Variants in PLSCR5 observed in about 807,000 individuals in gnomAD.
The protein encoded by PLSCR5 is phospholipid scramblase family, member 5.
PLSCR5 carries 44 observed loss-of-function variants against 33.6 expected under a neutral mutation model. The ratio of observed to expected loss-of-function variants is 1.31; its 90% CI spans 1.03 to 1.69. The LOEUF is 1.69. PLSCR5 is among the 40% of genes most tolerant of loss of function. The pLI is 0.00. For synonymous variants in PLSCR5, 148 were observed against 112.3 expected, an observed-to-expected ratio of 1.32 and a Z score of -2.01; for missense variants, 375 against 318.7, an observed-to-expected ratio of 1.18 and a Z score of -1.34.
chr3:146,582,169 C>T (rs2044636539), downstream of PLSCR5, among the ~76,000 whole-genome samples: 1 of 152,162 alleles, frequency 6.6e-6, no homozygotes, highest in African/African-American at 2.4e-5. Flanking sequence ...GACAGGTAGT[C>T]AGTTAGGGTG....
At position 146,594,089 on chromosome 3, in the gene PLSCR5, C is replaced by T; in HGVS notation, c.284G>A (p.Gly95Glu). ...CTCCACTGCAAAGTAAATTCTTTGT[C>T]CCAAGCTGTTTTTAATCTCATATTT... ...SNKYEIKNSL[G>E]QRIYFAVEES... The change falls in exon 4 of 8, where the codon GGA (glycine) becomes GAA (glutamate). Residue 95 changes from glycine (G) to glutamate (E), a missense_variant. Transcript: ENST00000443512. 1 of 1,613,694 alleles carries T rather than the reference C, an allele frequency of 6.2e-7. No individual in the cohort carries two copies. The highest frequency in any genetic ancestry group is 8.5e-7 in the Non-Finnish European group (1 of 1,179,766).
intron 1 of PLSCR5, among the ~76,000 whole-genome samples, chr3:146,601,374 G>C (rs1165019516): frequency 6.6e-6 from 1 of 151,448 alleles, no homozygotes. Flanking sequence ...TTTTTTCAAA[G>C]AATATCAGTG....
intron 7 of PLSCR5, among the ~76,000 whole-genome samples, chr3:146,579,451 A>G (rs1304358295): frequency 3.3e-5 from 5 of 152,212 alleles, no homozygotes; most frequent in Non-Finnish European, 7.4e-5. Flanking sequence ...CAACAAATCT[A>G]AAAATAATGT....
chr3:146,605,262 G>C lies in PLSCR5; in HGVS notation c.-50C>G. 6.2e-7 allele frequency: 1 copy of C among 1,610,194 alleles called. No homozygotes were observed. Among genetic ancestry groups the C allele is most frequent in the Non-Finnish European group, 8.5e-7 (1 of 1,177,818 alleles). On this transcript the variant is annotated 5_prime_UTR_variant, in exon 1 of 8. Coordinates refer to ENST00000443512, the MANE Select transcript of PLSCR5 (RefSeq NM_001085420.2). ...AAGGTTGCCAGGTTGGAAAACAAAG[G>C]CTTTTCTTGTTGCAGCAAGGAGAGA...
At chr3:146,588,035 C>T (rs990035653) in intron 6 of PLSCR5, among the ~76,000 whole-genome samples, 3 of 151,784 alleles carry the variant, frequency 2.0e-5, no homozygotes, top group South Asian at 2.1e-4. Context: ...ATTCTGAAAC[C>T]CCAGAAAACA....
chr3:146,592,463 G>A (rs764330171), intron 4 of PLSCR5, among the ~76,000 whole-genome samples: 3 of 151,948 alleles, frequency 2.0e-5, no homozygotes, highest in Non-Finnish European at 2.9e-5. Flanking sequence ...TGCATTATCC[G>A]GCATTACTTT....
chr3:146,582,615 T>C (rs1354054154), downstream of PLSCR5, among the ~76,000 whole-genome samples: 1 of 152,162 alleles, frequency 6.6e-6, no homozygotes, highest in East Asian at 1.9e-4. Flanking sequence ...CCTTCTTGAT[T>C]TTCTCAGCTG....
At chr3:146,588,830 G>T (rs984184798) in intron 6 of PLSCR5, among the ~76,000 whole-genome samples, 3 of 152,122 alleles carry the variant, frequency 2.0e-5, no homozygotes, top group South Asian at 2.1e-4. Flanking sequence ...AGGGGAAAAG[G>T]CATCATGTCT....
chr3:146,600,679 A>T (rs928454063), intron 1 of PLSCR5, among the ~76,000 whole-genome samples: 2 of 151,980 alleles, frequency 1.3e-5, no homozygotes, highest in African/African-American at 4.8e-5. Context: ...TAGTTGTGAG[A>T]AAAAGTTGAA....
intron 1 of PLSCR5, among the ~76,000 whole-genome samples, chr3:146,603,669 C>T (rs2044838912): frequency 6.6e-6 from 1 of 152,114 alleles, no homozygotes; most frequent in Non-Finnish European, 1.5e-5. Flanking sequence ...GAATTTCTAT[C>T]TACTCTTTTA....
intron 2 of PLSCR5, 124 bp from the exon 3 acceptor site, chr3:146,595,207 G>T: frequency 6.8e-6 from 3 of 439,410 alleles, no homozygotes; most frequent in Non-Finnish European, 1.2e-5. Flanking sequence ...TTTCTATTAG[G>T]AAAACAGTTG....
chr3:146,586,919 A>G (rs150852062), intron 6 of PLSCR5, among the ~76,000 whole-genome samples: 2 of 152,358 alleles, frequency 1.3e-5, no homozygotes, highest in East Asian at 3.8e-4. Context: ...AAATAGTTTT[A>G]TAAGCTATAT....
chr3:146,596,046 A>G (rs1235758614), intron 2 of PLSCR5, among the ~76,000 whole-genome samples: 1 of 152,360 alleles, frequency 6.6e-6, no homozygotes, highest in Admixed American at 6.5e-5. Flanking sequence ...TGACTTATGT[A>G]ATTAAAAATA....
downstream of PLSCR5, among the ~76,000 whole-genome samples, chr3:146,583,927 T>C (rs2044649540): frequency 6.6e-6 from 1 of 152,140 alleles, no homozygotes; most frequent in Non-Finnish European, 1.5e-5. Flanking sequence ...ATGACATCAG[T>C]TATAAAAATC....
chr3:146,589,992 T>G (rs2044700509), intron 5 of PLSCR5, 178 bp from the exon 6 acceptor site: 2 of 431,576 alleles, frequency 4.6e-6, no homozygotes, highest in Non-Finnish European at 7.8e-6. Context: ...CTTTTCAGTT[T>G]ACTTTTTAGA....
At chr3:146,604,460 T>C (rs1299562656) in intron 1 of PLSCR5, among the ~76,000 whole-genome samples, 1 of 152,136 alleles carries the variant, frequency 6.6e-6, no homozygotes, top group African/African-American at 2.4e-5. Context: ...TTCTGTTTGT[T>C]TTCTATCTTT....
intron 2 of PLSCR5, among the ~76,000 whole-genome samples, chr3:146,596,641 A>G (rs185923659): frequency 2.6e-5 from 4 of 152,224 alleles, no homozygotes; most frequent in Non-Finnish European, 5.9e-5. Context: ...CTCCCTTCGC[A>G]TTAATAAACT....
downstream of PLSCR5, among the ~76,000 whole-genome samples, chr3:146,581,514 A>G (rs1284867178): frequency 5.3e-5 from 8 of 152,202 alleles, no homozygotes. Context: ...TAGAGCAGGG[A>G]CAATGTACCA....
intron 5 of PLSCR5, 172 bp from the exon 6 acceptor site, chr3:146,589,986 T>C (rs1576818729): frequency 4.5e-6 from 2 of 440,742 alleles, no homozygotes; most frequent in Non-Finnish European, 7.6e-6. Context: ...ATTTAGCTTT[T>C]CAGTTTACTT....
Sources: gnomAD v4.1 joint callset for allele counts (sites outside exome capture counted in the v4.1 genomes callset) on GRCh38, gnomAD v4.1.1 for gene constraint, MANE v1.5 for transcripts, NCBI Gene and HGNC (gene_info 2026-07-23, HGNC 2026-07-21) for gene names.